The following NRXN1 variants were observed in gnomAD, a reference collection of about 807,000 sequenced individuals.
NRXN1 encodes the protein neurexin-1.
A neutral mutation model predicts 150.9 loss-of-function variants in NRXN1; 39 were observed. The ratio of observed to expected loss-of-function variants is 0.26; its 90% CI spans 0.20 to 0.34. The LOEUF (loss-of-function observed/expected upper bound fraction) is 0.34. NRXN1 is among the 10% of genes least tolerant of loss of function. The probability of loss-of-function intolerance (pLI) is 1.00; values close to 1 mark genes in which losing one functional copy is unlikely to be tolerated. For synonymous variants in NRXN1, 924 were observed against 757.0 expected, an observed-to-expected ratio of 1.22 and a Z score of -3.62; for missense variants, 1,815 against 1,949.9, an observed-to-expected ratio of 0.93 and a Z score of 1.30.
At chr2:51,023,469 T>C (rs1669941824) in intron 2 of NRXN1, among the ~76,000 whole-genome samples, 1 of 152,188 alleles carries the variant, frequency 6.6e-6, no homozygotes, top group African/African-American at 2.4e-5. Flanking sequence ...CTTTACCTGA[T>C]TAATACTTTT....
At chr2:50,688,912 T>C (rs535464593) in intron 5 of NRXN1, among the ~76,000 whole-genome samples, 1 of 152,196 alleles carries the variant, frequency 6.6e-6, no homozygotes, top group African/African-American at 2.4e-5. Context: ...AGGTTTTTTG[T>C]TGCATCACAC....
intron 5 of NRXN1, among the ~76,000 whole-genome samples, chr2:50,799,792 A>G (rs961201607): frequency 6.6e-6 from 1 of 152,150 alleles, no homozygotes; most frequent in Non-Finnish European, 1.5e-5. Flanking sequence ...ACTGGGCTGT[A>G]ACTCCATGGT....
intron 21 of NRXN1, among the ~76,000 whole-genome samples, chr2:50,012,286 A>G (rs1338144273): frequency 1.3e-5 from 2 of 152,168 alleles, no homozygotes; most frequent in Non-Finnish European, 2.9e-5. Context: ...ATCTTGAGAT[A>G]ATACTATTAT....
chr2:50,081,328 C>A (rs550513315), intron 19 of NRXN1, among the ~76,000 whole-genome samples: 1 of 152,304 alleles, frequency 6.6e-6, no homozygotes, highest in South Asian at 2.1e-4. Flanking sequence ...CCTGTAATCC[C>A]AGCACTTTGG....
chr2:50,812,143 T>G (rs1232770775), intron 5 of NRXN1, among the ~76,000 whole-genome samples: 1 of 152,206 alleles, frequency 6.6e-6, no homozygotes, highest in African/African-American at 2.4e-5. Context: ...ACATTTGGTT[T>G]TGTACAGTAT....
intron 17 of NRXN1, among the ~76,000 whole-genome samples, chr2:50,378,425 G>A (rs1305299086): frequency 1.3e-5 from 2 of 152,124 alleles, no homozygotes; most frequent in Non-Finnish European, 2.9e-5. Flanking sequence ...AATGTGCTCA[G>A]TGATATGAGC....
chr2:51,030,210 TCTCA>T (rs1168496664), intron 1 of NRXN1, among the ~76,000 whole-genome samples: 1 of 152,124 alleles, frequency 6.6e-6, no homozygotes, highest in Non-Finnish European at 1.5e-5. Context: ...GCATTATTTT[TCTCA>T]CTATTTCTTA....
intron 17 of NRXN1, among the ~76,000 whole-genome samples, chr2:50,411,199 A>G (rs1023509411): frequency 6.6e-6 from 1 of 151,924 alleles, no homozygotes; most frequent in African/African-American, 2.4e-5. Context: ...ACTGGTTTTC[A>G]TATTTTTTGG....
chr2:50,054,349 C>T (rs950662816), intron 20 of NRXN1, among the ~76,000 whole-genome samples: 3 of 152,064 alleles, frequency 2.0e-5, no homozygotes, highest in Non-Finnish European at 4.4e-5. Flanking sequence ...TCCTTAATAA[C>T]AGTACCATTA....
intron 21 of NRXN1, among the ~76,000 whole-genome samples, chr2:49,958,445 A>T (rs1675355182): frequency 6.6e-6 from 1 of 152,062 alleles, no homozygotes; most frequent in Admixed American, 6.6e-5. Context: ...CTCAATTCTG[A>T]CATATTTCAT....
At chr2:50,182,665 C>T (rs17040117) in intron 18 of NRXN1, among the ~76,000 whole-genome samples, 36,370 of 151,904 alleles carry the variant, frequency 0.24, 5,364 homozygotes, top group East Asian at 0.4. Flanking sequence ...TTCGAGCTGT[C>T]GCCATCCTCT....
At chr2:49,931,318 T>G (rs568117892) in intron 22 of NRXN1, among the ~76,000 whole-genome samples, 3 of 152,282 alleles carry the variant, frequency 2.0e-5, no homozygotes, top group Non-Finnish European at 4.4e-5. Context: ...TTTGGAGAAT[T>G]GGGATCAATA....
intron 5 of NRXN1, among the ~76,000 whole-genome samples, chr2:50,858,925 G>A (rs1675673526): frequency 6.6e-6 from 1 of 152,030 alleles, no homozygotes; most frequent in Non-Finnish European, 1.5e-5. Context: ...TGAGTGAAGT[G>A]CATTCCCTCC....
intron 17 of NRXN1, among the ~76,000 whole-genome samples, chr2:50,376,478 T>C (rs2153024818): frequency 6.6e-6 from 1 of 152,238 alleles, no homozygotes; most frequent in East Asian, 1.9e-4. Flanking sequence ...ACTCAAACAT[T>C]GAGAAATTGT....
At chr2:50,490,148 C>A (rs536425456) in intron 15 of NRXN1, among the ~76,000 whole-genome samples, 1 of 152,274 alleles carries the variant, frequency 6.6e-6, no homozygotes, top group South Asian at 2.1e-4. Context: ...AACTTATTGT[C>A]TTTGTTCTGT....
chr2:50,112,597 T>G (rs1702522990), intron 18 of NRXN1, among the ~76,000 whole-genome samples: 1 of 152,156 alleles, frequency 6.6e-6, no homozygotes, highest in Non-Finnish European at 1.5e-5. Flanking sequence ...GTTGTGAACT[T>G]TTAGATGGAG....
chr2:50,952,493 A>G (rs571703958), intron 2 of NRXN1, among the ~76,000 whole-genome samples: 3 of 152,208 alleles, frequency 2.0e-5, no homozygotes, highest in Non-Finnish European at 4.4e-5. Context: ...AATTATTTCA[A>G]CAAGTTTTTA....
intron 17 of NRXN1, among the ~76,000 whole-genome samples, chr2:50,445,866 C>T (rs1025061652): frequency 2.6e-5 from 4 of 152,118 alleles, no homozygotes; most frequent in African/African-American, 9.7e-5. Flanking sequence ...GGACTAGGGA[C>T]ATCCCCTACT....
At chr2:50,764,111 T>C (rs2105403502) in intron 5 of NRXN1, among the ~76,000 whole-genome samples, 1 of 151,774 alleles carries the variant, frequency 6.6e-6, no homozygotes, top group Admixed American at 6.6e-5. Context: ...TTAATTCTAC[T>C]GGCCGGGAAG....
Sources: gnomAD v4.1 joint callset for allele counts (sites outside exome capture counted in the v4.1 genomes callset) on GRCh38, gnomAD v4.1.1 for gene constraint, MANE v1.5 for transcripts, NCBI Gene and HGNC (gene_info 2026-07-23, HGNC 2026-07-21) for gene names.